KIF26B: variants seen among roughly 807,000 people sequenced by gnomAD.
KIF26B encodes the protein kinesin-like protein KIF26B.
KIF26B carries 63 observed loss-of-function variants against 151.2 expected under a neutral mutation model. The ratio of observed to expected loss-of-function variants is 0.42; its 90% CI spans 0.34 to 0.51. The LOEUF (loss-of-function observed/expected upper bound fraction) is 0.51. Among genes scored for constraint, KIF26B ranks in the 20% least tolerant of loss-of-function variants. The probability of loss-of-function intolerance (pLI) is 0.07; values close to 1 mark genes in which losing one functional copy is unlikely to be tolerated. For synonymous variants in KIF26B, 1,357 were observed against 1,262.1 expected (o/e 1.08, Z -1.59); for missense variants, 2,813 against 2,913.6 (o/e 0.97, Z 0.79).
chr1:245,165,801 A>AG (rs1302549061), intron 2 of KIF26B, among the ~76,000 whole-genome samples: 1 of 152,134 alleles, frequency 6.6e-6, no homozygotes. Flanking sequence ...AGGTCAAGGA[A>AG]GTAAGGACTG....
Position 245,602,913 on chromosome 1 carries a change from A to G in KIF26B, c.1557+130A>G, listed in dbSNP as rs2043413271. The G allele has an allele frequency of 1.2e-6, 1 of 805,122 alleles. No homozygotes were observed. The highest frequency in any genetic ancestry group is 2.0e-5 in the Admixed American group (1 of 50,194). The allele number at this position is 805,122 out of a possible 1,614,324, so 49.9% of individuals were successfully genotyped here. On this transcript the variant is annotated intron_variant, in intron 6 of 14. Coordinates refer to ENST00000407071, the MANE Select transcript of KIF26B (RefSeq NM_018012.4). The surrounding 1 kb of genome is among the most constrained non-coding windows in gnomAD (Gnocchi z 4.5). ...GATGGACCAGTTCCTTCAGGAGTCAATCTGAGCTCCACCGAATGGTCCAGT... is the reference window on the plus strand; with the variant it reads ...GATGGACCAGTTCCTTCAGGAGTCAGTCTGAGCTCCACCGAATGGTCCAGT...
rs536083402 is a variant in KIF26B at position 245,670,022 on chromosome 1, G to T, written c.2259-14211G>T. ...TGGAGGATTAAAACGCTACATTTTG[G>T]GTACAACATATACTACTTCGGTGAC... On this transcript the variant is annotated intron_variant, in intron 10 of 14. Transcript: ENST00000407071. Among the ~76,000 whole-genome samples the T allele has an allele frequency of 6.6e-5, 10 of 151,884 alleles. No homozygotes were observed. The South Asian group carries it at 1.9e-3, about 28-fold the overall frequency.
chr1:245,561,253 G>A (rs770210084), intron 5 of KIF26B, among the ~76,000 whole-genome samples: 1 of 152,188 alleles, frequency 6.6e-6, no homozygotes, highest in Non-Finnish European at 1.5e-5. Flanking sequence ...ACAGTAAGTA[G>A]GTGGGTGGGT....
At chr1:245,344,308 T>C (rs1375971463) in intron 2 of KIF26B, among the ~76,000 whole-genome samples, 2 of 151,680 alleles carry the variant, frequency 1.3e-5, no homozygotes, top group Non-Finnish European at 2.9e-5. Flanking sequence ...CTGTGTAAGA[T>C]TTTGTTTGGA....
rs138853411 is a variant in KIF26B, at chr1:245,162,375, CTTTTTTTTTTTTT to C, written c.465+5708_465+5720del. On this transcript the variant is annotated intron_variant, in intron 2 of 14. Coordinates refer to ENST00000407071, the MANE Select transcript of KIF26B (RefSeq NM_018012.4). ...CTATAGATGCACCCATCAGAAATAT[CTTTTTTTTTTTTT>C]TTTTTTTTTTTTTTTGAGACGGAGT... is the stretch of plus-strand genomic sequence containing the variant. 5.8e-3 allele frequency among the ~76,000 whole-genome samples: 444 copies of C among 76,546 alleles called. 6 individuals are homozygous for C. The highest frequency in any genetic ancestry group is 0.022 in the African/African-American group (422 of 19,564). 50.2% of individuals were successfully genotyped at this position (76,546 alleles called of 152,430 possible).
chr1:245,520,582 A>T (rs1246364387), intron 4 of KIF26B, among the ~76,000 whole-genome samples: 1 of 77,408 alleles, frequency 1.3e-5, no homozygotes, highest in East Asian at 3.4e-4. Flanking sequence ...CCATCCATCC[A>T]TCCATCCATC....
intron 4 of KIF26B, among the ~76,000 whole-genome samples, chr1:245,529,663 A>T (rs1464372333): frequency 6.6e-6 from 1 of 152,184 alleles, no homozygotes; most frequent in Admixed American, 6.5e-5. Flanking sequence ...CTTGGCTTTA[A>T]ACAAAGGAGA....
At chr1:245,456,198 T>C (rs1659513596) in intron 4 of KIF26B, among the ~76,000 whole-genome samples, 1 of 152,212 alleles carries the variant, frequency 6.6e-6, no homozygotes, top group African/African-American at 2.4e-5. Flanking sequence ...TAGTATAAAC[T>C]GAAAAATAAA....
At chr1:245,450,798 C>A (rs530444067) in intron 4 of KIF26B, among the ~76,000 whole-genome samples, 1 of 151,964 alleles carries the variant, frequency 6.6e-6, no homozygotes, top group Non-Finnish European at 1.5e-5. Context: ...ATTTTTTGAA[C>A]AGTAAAAAAT....
At chr1:245,537,929 TG>T (rs1339823573) in intron 4 of KIF26B, among the ~76,000 whole-genome samples, 2 of 152,168 alleles carry the variant, frequency 1.3e-5, no homozygotes. Context: ...ATCATGATCC[TG>T]GAAGAAAACA....
At chr1:245,175,477 A>T (rs1346502129) in intron 2 of KIF26B, among the ~76,000 whole-genome samples, 1 of 152,158 alleles carries the variant, frequency 6.6e-6, no homozygotes. Flanking sequence ...AACTTGGAAG[A>T]GGCAAAGTAA....
intron 2 of KIF26B, among the ~76,000 whole-genome samples, chr1:245,236,390 T>G (rs896032061): frequency 6.6e-6 from 1 of 152,194 alleles, no homozygotes; most frequent in Non-Finnish European, 1.5e-5. Context: ...GAATAAATGT[T>G]GCCTCCATCA....
At chr1:245,476,814 C>T (rs1660052018) in intron 4 of KIF26B, among the ~76,000 whole-genome samples, 1 of 151,746 alleles carries the variant, frequency 6.6e-6, no homozygotes, top group South Asian at 2.1e-4. Flanking sequence ...ACGAGAGCCA[C>T]CGCACCTGGC....
At chr1:245,226,962 G>A (rs1296166206) in intron 2 of KIF26B, among the ~76,000 whole-genome samples, 1 of 152,180 alleles carries the variant, frequency 6.6e-6, no homozygotes, top group Non-Finnish European at 1.5e-5. Context: ...CGGACATCCA[G>A]TGCCACGGTC....
chr1:245,297,880 T>TTTG (rs1298830068), intron 2 of KIF26B, among the ~76,000 whole-genome samples: 1 of 150,624 alleles, frequency 6.6e-6, no homozygotes, highest in Non-Finnish European at 1.5e-5. Context: ...TCAGTTTTTG[T>TTTG]TTGTTTGTTT....
rs1420598947 is a variant in KIF26B, at chr1:245,307,740, CTCT to C, written c.466-59092_466-59090del. The stretch of plus-strand genomic sequence containing the variant: ...TTATCTCTACCAGGAATCTCTCTCT[CTCT>C]TTTTTTTTTTTTTTTGAGACGGAGT... On this transcript the variant is annotated intron_variant, in intron 2 of 14. Coordinates refer to ENST00000407071, the MANE Select transcript of KIF26B (RefSeq NM_018012.4). Among the ~76,000 whole-genome samples the C allele has an allele frequency of 3.7e-3, 474 of 129,812 alleles. 1 individual carries two copies. Among genetic ancestry groups the C allele is most frequent in the African/African-American group, 0.014 (450 of 32,972 alleles). The allele number at this position is 129,812 out of a possible 152,430, so 85.2% of individuals were successfully genotyped here. A position where few individuals can be genotyped will look rare whatever the true frequency, so the allele number is the denominator to read the frequency against.
At chr1:245,593,237 A>G (rs942760289) in intron 5 of KIF26B, among the ~76,000 whole-genome samples, 3 of 152,184 alleles carry the variant, frequency 2.0e-5, no homozygotes, top group Non-Finnish European at 1.5e-5. Context: ...TTTGTTACAT[A>G]GGTATACACA....
chr1:245,283,463 G>T (rs1671102499), intron 2 of KIF26B, among the ~76,000 whole-genome samples: 1 of 152,100 alleles, frequency 6.6e-6, no homozygotes, highest in African/African-American at 2.4e-5. Context: ...AAAGAGGAAG[G>T]TCACCTGAAG....
intron 2 of KIF26B, among the ~76,000 whole-genome samples, chr1:245,283,692 T>TA (rs1205405554): frequency 6.7e-6 from 1 of 149,348 alleles, no homozygotes; most frequent in Non-Finnish European, 1.5e-5. Context: ...GCTTGAGAAT[T>TA]TTTTTTTTTT....
Sources: allele counts gnomAD v4.1 joint callset (sites outside exome capture counted in the v4.1 genomes callset), GRCh38; gene constraint gnomAD v4.1.1; non-coding constraint Gnocchi (gnomAD v3.1); transcripts MANE v1.5; gene names NCBI Gene and HGNC (gene_info 2026-07-23, HGNC 2026-07-21).